Variants in CADM2 observed in about 807,000 individuals in gnomAD.
The protein encoded by CADM2 is cell adhesion molecule 2, also known as immunoglobulin superfamily member 4D.
A neutral mutation model predicts 49.8 loss-of-function variants in CADM2; 12 were observed. That is an observed-to-expected ratio of 0.24 (90% CI 0.15 to 0.39). CADM2 has a LOEUF of 0.39. Ranked by LOEUF, CADM2 falls within the 10% of genes least tolerant of loss-of-function variation. The pLI, the probability that CADM2 is intolerant of heterozygous loss-of-function variation, is 1.00. For synonymous variants in CADM2, 214 were observed against 175.4 expected, an observed-to-expected ratio of 1.22 and a Z score of -1.74; for missense variants, 378 against 492.3, an observed-to-expected ratio of 0.77 and a Z score of 2.20.
chr3:85,101,964 G>T (rs1021399904), intron 1 of CADM2, among the ~76,000 whole-genome samples: 11 of 152,246 alleles, frequency 7.2e-5, no homozygotes, highest in Admixed American at 1.3e-4. Context: ...TGGAAGTCAG[G>T]CTTGCCCTAG....
intron 8 of CADM2, among the ~76,000 whole-genome samples, chr3:85,997,871 A>G (rs544925195): frequency 8.1e-4 from 123 of 152,308 alleles, no homozygotes; most frequent in Admixed American, 1.7e-3. Context: ...TTTGGTCAGG[A>G]GAAAATTTAC....
At chr3:85,831,669 T>C (rs1212397275) in intron 3 of CADM2, among the ~76,000 whole-genome samples, 1 of 151,232 alleles carries the variant, frequency 6.6e-6, no homozygotes, top group Non-Finnish European at 1.5e-5. Flanking sequence ...CTCCCTTTTT[T>C]AATGGGTTTA....
chr3:85,608,459 T>G (rs4856599), intron 1 of CADM2, among the ~76,000 whole-genome samples: 117,631 of 152,056 alleles, frequency 0.77, 48,370 homozygotes, highest in East Asian at 0.92. Context: ...AACTTTGTGG[T>G]ACATTTTAAG....
At position 85,625,693 on chromosome 3, in the gene CADM2, A is replaced by G. The variant is rs539861276; in HGVS notation, c.62-100829A>G. ...AATTTAGGGATTGGGGAAGGTGCCT[A>G]TAATGAACTTTAACTTCACATGAGT... On this transcript the variant is annotated intron_variant, in intron 1 of 9. Transcript: ENST00000383699. 8.5e-5 allele frequency among the ~76,000 whole-genome samples: 13 copies of G among 152,166 alleles called. No individual in the cohort carries two copies. The South Asian group carries it at 2.1e-3, about 24-fold the overall frequency.
chr3:85,990,453 G>A (rs552697123), intron 8 of CADM2, among the ~76,000 whole-genome samples: 3 of 152,174 alleles, frequency 2.0e-5, no homozygotes, highest in African/African-American at 7.2e-5. Context: ...TGGACATAAC[G>A]CCATCATAAA....
intron 1 of CADM2, among the ~76,000 whole-genome samples, chr3:85,440,667 T>C (rs1410097924): frequency 6.6e-6 from 1 of 152,170 alleles, no homozygotes; most frequent in African/African-American, 2.4e-5. Context: ...TATGTGACTT[T>C]TATACAATGA....
At chr3:85,468,153 C>CAAAAAAAAAAAA (rs57721920) in intron 1 of CADM2, among the ~76,000 whole-genome samples, 2 of 55,336 alleles carry the variant, frequency 3.6e-5, no homozygotes, top group African/African-American at 1.8e-4. Context: ...GACTCCGTCT[C>CAAAAAAAAAAAA]AAAAAAAAAA....
chr3:85,370,257 T>TAATAAA (rs1295822117), intron 1 of CADM2, among the ~76,000 whole-genome samples: 7 of 143,466 alleles, frequency 4.9e-5, no homozygotes, highest in African/African-American at 1.5e-4. Context: ...ATAATAATAA[T>TAATAAA]AAAATTTTAA....
chr3:85,436,412 A>G lies in CADM2; in HGVS notation c.62-290110A>G, dbSNP rs559735174. On this transcript the variant is annotated intron_variant, in intron 1 of 9. Transcript: ENST00000383699. ...CTTTCTTCCTATTTTAATATGCTTT[A>G]TTTCTTTCTTTTGCCTGATTGCCCT... Among the ~76,000 whole-genome samples, 9 of 152,058 alleles carry G rather than the reference A, an allele frequency of 5.9e-5. No homozygotes were observed. In the South Asian group the frequency reaches 6.2e-4, roughly 11 times the overall value.
At chr3:85,316,309 G>A (rs1048370892) in intron 1 of CADM2, among the ~76,000 whole-genome samples, 1 of 152,086 alleles carries the variant, frequency 6.6e-6, no homozygotes, top group African/African-American at 2.4e-5. Context: ...ATTGTAGTAT[G>A]TTATTCTTGG....
At chr3:85,559,079 C>T (rs939610699) in intron 1 of CADM2, among the ~76,000 whole-genome samples, 1 of 151,996 alleles carries the variant, frequency 6.6e-6, no homozygotes, top group Non-Finnish European at 1.5e-5. Flanking sequence ...TTTTAAATAC[C>T]TCTCAAGTGG....
chr3:85,450,568 CAA>C (rs1469038396), intron 1 of CADM2, among the ~76,000 whole-genome samples: 1 of 151,798 alleles, frequency 6.6e-6, no homozygotes, highest in Non-Finnish European at 1.5e-5. Context: ...TTCATTTTTA[CAA>C]GTTATATTTT....
intron 6 of CADM2, among the ~76,000 whole-genome samples, chr3:85,918,548 C>G (rs964774830): frequency 6.6e-6 from 1 of 152,060 alleles, no homozygotes; most frequent in Admixed American, 6.6e-5. Flanking sequence ...TTGCTGGATT[C>G]GGTTTGCCAG....
chr3:86,039,834 A>G (rs537658033), intron 8 of CADM2, among the ~76,000 whole-genome samples: 5 of 145,614 alleles, frequency 3.4e-5, no homozygotes, highest in Non-Finnish European at 5.9e-5. Flanking sequence ...GGCACCCCCC[A>G]GTAGGGGCAG....
chr3:85,623,557 A>G (rs1429951574), intron 1 of CADM2, among the ~76,000 whole-genome samples: 2 of 152,154 alleles, frequency 1.3e-5, no homozygotes, highest in Non-Finnish European at 2.9e-5. Flanking sequence ...AGAGTGAACA[A>G]AGGGTACTTA....
In CADM2 at chr3:85,223,927, T is replaced by A. The variant is rs559617705; in HGVS notation, c.61+264259T>A. 2.0e-5 allele frequency among the ~76,000 whole-genome samples: 3 copies of A among 152,262 alleles called. No individual in the cohort carries two copies. In the East Asian group the frequency reaches 5.8e-4, roughly 29 times the overall value. ...TTCATCCATGTCCCTGCAAAGGACATGAACTCATCATTTTTTTATGGCTGC... is the reference window on the plus strand; with the variant it reads ...TTCATCCATGTCCCTGCAAAGGACAAGAACTCATCATTTTTTTATGGCTGC... On this transcript the variant is annotated intron_variant, in intron 1 of 9. Coordinates refer to ENST00000383699, the MANE Select transcript of CADM2 (RefSeq NM_001167675.2).
chr3:85,022,691 C>G (rs1303552452), intron 1 of CADM2, among the ~76,000 whole-genome samples: 1 of 152,016 alleles, frequency 6.6e-6, no homozygotes, highest in African/African-American at 2.4e-5. Context: ...TTTTTTCCCT[C>G]CCTGCTCTTT....
intron 1 of CADM2, among the ~76,000 whole-genome samples, chr3:85,530,479 C>T (rs1235403058): frequency 2.0e-5 from 3 of 151,788 alleles, no homozygotes; most frequent in Non-Finnish European, 2.9e-5. Flanking sequence ...TACAGGCGCC[C>T]GCCACCACAC....
At chr3:86,032,273 G>C (rs1333638186) in intron 8 of CADM2, among the ~76,000 whole-genome samples, 1 of 151,716 alleles carries the variant, frequency 6.6e-6, no homozygotes, top group East Asian at 1.9e-4. Flanking sequence ...CTGGTAATTT[G>C]TATGCCAGTT....
Sources: allele counts gnomAD v4.1 joint callset (sites outside exome capture counted in the v4.1 genomes callset), GRCh38; gene constraint gnomAD v4.1.1; transcripts MANE v1.5; gene names NCBI Gene and HGNC (gene_info 2026-07-23, HGNC 2026-07-21).